The following FRAS1 variants were observed in gnomAD, a reference collection of about 807,000 sequenced individuals.
FRAS1 encodes extracellular matrix organizing protein FRAS1.
Under a neutral mutation model 435.2 loss-of-function variants are expected in FRAS1, and 290 were observed. That is an observed-to-expected ratio of 0.67 (90% CI 0.61 to 0.73). The LOEUF is 0.73. Among genes scored for constraint, FRAS1 ranks in the 30% least tolerant of loss-of-function variants. The probability of loss-of-function intolerance (pLI) is 0.00; values close to 1 mark genes in which losing one functional copy is unlikely to be tolerated. For synonymous variants in FRAS1, 1,800 were observed against 1,851.0 expected (o/e 0.97, Z 0.71); for missense variants, 4,860 against 5,001.5 (o/e 0.97, Z 0.85).
Position 78,067,672 on chromosome 4 carries a change from TTTATTATTA to T in FRAS1, c.108+1689_108+1697del, listed in dbSNP as rs60743368. Reference sequence around the variant, plus strand: ...TTTCTTTTTCTTTTTTTTTCTTTCTTTTATTATTATTATTATTATTATTATTATTATTAT... The same window carrying T: ...TTTCTTTTTCTTTTTTTTTCTTTCTTTTATTATTATTATTATTATTATTAT... On this transcript the variant is annotated intron_variant, in intron 2 of 73. Coordinates refer to ENST00000512123, the MANE Select transcript of FRAS1 (RefSeq NM_025074.7). Among the ~76,000 whole-genome samples, 1,069 of 125,740 alleles carry T rather than the reference TTTATTATTA, an allele frequency of 8.5e-3. 11 individuals carry two copies. Among genetic ancestry groups the T allele is most frequent in the African/African-American group, 0.026 (818 of 31,876 alleles). 82.5% of individuals were successfully genotyped at this position (125,740 alleles called of 152,430 possible). A position where few individuals can be genotyped will look rare whatever the true frequency, so the allele number is the denominator to read the frequency against.
At chr4:78,439,654 CTTAT>C (rs1421617018) in intron 40 of FRAS1, among the ~76,000 whole-genome samples, 1 of 151,768 alleles carries the variant, frequency 6.6e-6, no homozygotes, top group African/African-American at 2.4e-5. Flanking sequence ...TTTTAATTCT[CTTAT>C]TTATTTTTAT....
At chr4:78,420,877 GACATATATATATATATATATATAT>G (rs1437652372) in intron 33 of FRAS1, among the ~76,000 whole-genome samples, 27 of 62,988 alleles carry the variant, frequency 4.3e-4, no homozygotes, top group Non-Finnish European at 3.8e-4. Context: ...GAACTAATAG[GACATATATATATATATATATATAT>G]ATATATATAT....
intron 32 of FRAS1, 99 bp downstream of exon 32, chr4:78,413,184 C>T (rs1397582969): frequency 1.6e-6 from 1 of 630,822 alleles, no homozygotes; most frequent in East Asian, 3.3e-5. Context: ...TAGTAAGTGC[C>T]TGGCCCAGAT....
intron 14 of FRAS1, among the ~76,000 whole-genome samples, chr4:78,300,928 C>A (rs894610390): frequency 2.0e-5 from 3 of 152,176 alleles, no homozygotes; most frequent in Admixed American, 6.5e-5. Context: ...CCCACCACCC[C>A]CACCACTGTT....
intron 66 of FRAS1, among the ~76,000 whole-genome samples, chr4:78,518,183 G>C (rs998370344): frequency 6.6e-6 from 1 of 151,874 alleles, no homozygotes; most frequent in Non-Finnish European, 1.5e-5. Context: ...ATTTTTCAAT[G>C]AGTATGGAGT....
chr4:78,395,134 T>G (rs773848080), intron 29 of FRAS1, among the ~76,000 whole-genome samples: 1 of 151,990 alleles, frequency 6.6e-6, no homozygotes, highest in Non-Finnish European at 1.5e-5. Context: ...TGTCTGTAAA[T>G]ACAGACAATT....
intron 14 of FRAS1, among the ~76,000 whole-genome samples, chr4:78,307,427 G>A (rs1728805421): frequency 1.3e-5 from 2 of 152,228 alleles, no homozygotes; most frequent in African/African-American, 4.8e-5. Context: ...GTTTACCTAA[G>A]CAAGCCTGGG....
chr4:78,194,170 G>T (rs1359779640), intron 2 of FRAS1, among the ~76,000 whole-genome samples: 1 of 152,164 alleles, frequency 6.6e-6, no homozygotes, highest in Non-Finnish European at 1.5e-5. Context: ...TCCCTTTGTG[G>T]GTAACCCGAC....
intron 47 of FRAS1, among the ~76,000 whole-genome samples, chr4:78,455,422 G>T (rs574161727): frequency 9.2e-5 from 14 of 151,694 alleles, no homozygotes; most frequent in African/African-American, 3.1e-4. Flanking sequence ...AGTTGAGGAG[G>T]GAGGGGGTTC....
chr4:78,435,383 G>A (rs1578322632), intron 38 of FRAS1, among the ~76,000 whole-genome samples: 1 of 152,346 alleles, frequency 6.6e-6, no homozygotes, highest in South Asian at 2.1e-4. Context: ...ATTTAAAATA[G>A]TGTAGCAGAG....
intron 41 of FRAS1, chr4:78,444,320 C>T: frequency 4.3e-6 from 1 of 231,512 alleles, no homozygotes; most frequent in South Asian, 4.5e-5. Context: ...TTAGACCTCT[C>T]TCAGCTTCTG....
chr4:78,283,304 A>G (rs1384719831), intron 12 of FRAS1, among the ~76,000 whole-genome samples: 1 of 152,232 alleles, frequency 6.6e-6, no homozygotes, highest in Non-Finnish European at 1.5e-5. Flanking sequence ...TCTGTCTTCC[A>G]TTGTTCAAAA....
At chr4:78,261,003 A>T (rs542192574) in intron 6 of FRAS1, among the ~76,000 whole-genome samples, 22 of 151,982 alleles carry the variant, frequency 1.4e-4, no homozygotes, top group Admixed American at 1.4e-3. Context: ...TGTTCCAATT[A>T]TTCTCACTTC....
At chr4:78,317,090 T>C (rs999083302) in intron 16 of FRAS1, among the ~76,000 whole-genome samples, 2 of 152,190 alleles carry the variant, frequency 1.3e-5, no homozygotes, top group Non-Finnish European at 2.9e-5. Flanking sequence ...CCTCATAATG[T>C]TGTTAGGAAA....
chr4:78,488,640 A>G (rs1346405101), intron 58 of FRAS1, among the ~76,000 whole-genome samples: 1 of 152,234 alleles, frequency 6.6e-6, no homozygotes, highest in African/African-American at 2.4e-5. Context: ...AAAGATAGGT[A>G]CAAAATTGAT....
intron 20 of FRAS1, among the ~76,000 whole-genome samples, chr4:78,342,514 A>G (rs947630083): frequency 2.0e-5 from 3 of 152,208 alleles, no homozygotes; most frequent in East Asian, 1.9e-4. Flanking sequence ...TACTTTCTAT[A>G]TGGAAAGCCA....
At position 78,307,812 on chromosome 4, in the gene FRAS1, T is replaced by C. The variant is rs190030293; in HGVS notation, c.1535-254T>C. 2.1e-3 allele frequency among the ~76,000 whole-genome samples: 320 copies of C among 152,296 alleles called. 1 individual carries two copies. Among genetic ancestry groups the C allele is most frequent in the African/African-American group, 7.4e-3 (306 of 41,570 alleles). On this transcript the variant is annotated intron_variant, in intron 14 of 73. Coordinates refer to ENST00000512123, the MANE Select transcript of FRAS1 (RefSeq NM_025074.7). ...CAGATGGAAATGCAGAAATCACCCG[T>C]CTTCTGCGTTGCTCACGTTGGGAGC...
At chr4:78,136,405 G>T (rs1340076163) in intron 2 of FRAS1, among the ~76,000 whole-genome samples, 5 of 152,102 alleles carry the variant, frequency 3.3e-5, no homozygotes, top group Non-Finnish European at 7.4e-5. Flanking sequence ...TTAATTTGGG[G>T]CTTACAAATA....
intron 66 of FRAS1, among the ~76,000 whole-genome samples, chr4:78,516,956 C>G (rs1200789290): frequency 6.6e-6 from 1 of 152,154 alleles, no homozygotes; most frequent in East Asian, 1.9e-4. Context: ...AGCAAGAAGC[C>G]AGAGTCAGAG....
Sources: allele counts gnomAD v4.1 joint callset (sites outside exome capture counted in the v4.1 genomes callset), GRCh38; gene constraint gnomAD v4.1.1; transcripts MANE v1.5; gene names NCBI Gene and HGNC (gene_info 2026-07-23, HGNC 2026-07-21).